PRSS23: variants seen among roughly 807,000 people sequenced by gnomAD.
The protein encoded by PRSS23 is serine protease 23.
PRSS23 carries 25 observed loss-of-function variants against 34.7 expected under a neutral mutation model. The ratio of observed to expected loss-of-function variants is 0.72; its 90% CI spans 0.53 to 1.01. The LOEUF (loss-of-function observed/expected upper bound fraction) is 1.01. Among genes scored for constraint, PRSS23 ranks in the 50% least tolerant of loss-of-function variants. The pLI is 0.00. For missense variants in PRSS23, 445 were observed against 475.6 expected, an observed-to-expected ratio of 0.94 and a Z score of 0.60; for synonymous variants, 176 against 186.6, an observed-to-expected ratio of 0.94 and a Z score of 0.46.
intron 2 of PRSS23, among the ~76,000 whole-genome samples, chr11:86,885,957 G>C (rs1948799475): frequency 6.6e-6 from 1 of 151,756 alleles, no homozygotes; most frequent in Non-Finnish European, 1.5e-5. Flanking sequence ...TGGCAAGTGT[G>C]GGCTATCTGG....
intron 2 of PRSS23, chr11:86,912,038 A>G (rs1948981886): frequency 6.6e-6 from 1 of 152,202 alleles, no homozygotes; most frequent in Non-Finnish European, 1.5e-5. Flanking sequence ...CGGCCTCTCA[A>G]AGTGTTGGGA....
intron 1 of PRSS23, among the ~76,000 whole-genome samples, chr11:86,806,240 T>A (rs76375668): frequency 0.013 from 1,998 of 152,294 alleles, 50 homozygotes; most frequent in African/African-American, 0.045. Context: ...TTCCCCAAAT[T>A]ACTCACATGG....
At position 86,896,779 on chromosome 11, in the gene PRSS23, A is replaced by G. The variant is rs182053331; in HGVS notation, c.207-54437A>G. Among the ~76,000 whole-genome samples, 7 of 152,386 alleles carry G rather than the reference A, an allele frequency of 4.6e-5. No individual in the cohort carries two copies. The East Asian group carries it at 1.3e-3, about 29-fold the overall frequency. ...TTCCACTAATGCAGCGTCTACCCTGAAGCCTTGGCAAAAGCCCAATGGCTC... is the reference window on the plus strand; with the variant it reads ...TTCCACTAATGCAGCGTCTACCCTGGAGCCTTGGCAAAAGCCCAATGGCTC... On this transcript the variant is annotated intron_variant, in intron 2 of 2. Transcript: ENST00000533902.
At chr11:86,939,142 C>T in intron 2 of PRSS23, 1 of 382,276 alleles carries the variant, frequency 2.6e-6, no homozygotes, top group Non-Finnish European at 5.1e-6. Flanking sequence ...GGAAACGTTT[C>T]CATGTCACTA....
intron 2 of PRSS23, among the ~76,000 whole-genome samples, chr11:86,923,931 A>G (rs1023430942): frequency 2.0e-5 from 3 of 152,202 alleles, no homozygotes; most frequent in African/African-American, 7.2e-5. Flanking sequence ...GTTATTCCCT[A>G]AGATATATTT....
intron 2 of PRSS23, among the ~76,000 whole-genome samples, chr11:86,878,615 A>G (rs1222564334): frequency 6.6e-6 from 1 of 151,530 alleles, no homozygotes; most frequent in Non-Finnish European, 1.5e-5. Context: ...GCTCGCTACA[A>G]CCTCCACCTC....
At chr11:86,824,150 C>G (rs1407231091) in intron 2 of PRSS23, among the ~76,000 whole-genome samples, 9 of 148,682 alleles carry the variant, frequency 6.1e-5, no homozygotes, top group Non-Finnish European at 1.3e-4. Flanking sequence ...TGTACAAAAA[C>G]TTCAAAAATT....
intron 2 of PRSS23, among the ~76,000 whole-genome samples, chr11:86,838,074 T>C (rs1434428528): frequency 5.7e-5 from 8 of 139,896 alleles, no homozygotes; most frequent in Non-Finnish European, 1.2e-4. Flanking sequence ...CGGTACACTC[T>C]TTTTTTTTTT....
At chr11:86,832,066 A>T (rs1317834065) in intron 2 of PRSS23, among the ~76,000 whole-genome samples, 1 of 151,798 alleles carries the variant, frequency 6.6e-6, no homozygotes, top group Non-Finnish European at 1.5e-5. Flanking sequence ...GTCACAGGGG[A>T]TGTATGCCAT....
chr11:86,823,240 G>T (rs1352644289), intron 1 of PRSS23: 3 of 614,922 alleles, frequency 4.9e-6, no homozygotes, highest in African/African-American at 3.8e-5. Context: ...ATCTGTAAAA[G>T]CATCATAAAA....
intron 2 of PRSS23, among the ~76,000 whole-genome samples, chr11:86,893,476 A>T (rs554345358): frequency 6.6e-6 from 1 of 152,348 alleles, no homozygotes; most frequent in African/African-American, 2.4e-5. Context: ...GATTGGGAGA[A>T]ACATTGTTCT....
At chr11:86,860,620 A>T (rs954147581) in intron 2 of PRSS23, among the ~76,000 whole-genome samples, 1 of 151,916 alleles carries the variant, frequency 6.6e-6, no homozygotes, top group Non-Finnish European at 1.5e-5. Context: ...CCTACTATCC[A>T]AGAAGGGAGT....
intron 2 of PRSS23, among the ~76,000 whole-genome samples, chr11:86,912,882 T>G (rs1422090596): frequency 6.6e-6 from 1 of 152,232 alleles, no homozygotes; most frequent in Non-Finnish European, 1.5e-5. Context: ...GGACTCTGTC[T>G]TTTGTTACAT....
At chr11:86,914,216 A>C (rs1252236801) in intron 2 of PRSS23, among the ~76,000 whole-genome samples, 2 of 152,046 alleles carry the variant, frequency 1.3e-5, no homozygotes, top group Non-Finnish European at 2.9e-5. Flanking sequence ...ACAGAGTGAG[A>C]CTCCATCTCA....
chr11:86,875,757 G>C (rs1410110275), intron 2 of PRSS23, among the ~76,000 whole-genome samples: 1 of 152,228 alleles, frequency 6.6e-6, no homozygotes, highest in Non-Finnish European at 1.5e-5. Context: ...GTGTAAAGCT[G>C]CAGATAGAGG....
At chr11:86,901,082 G>A (rs1420436600) in intron 2 of PRSS23, among the ~76,000 whole-genome samples, 2 of 151,998 alleles carry the variant, frequency 1.3e-5, no homozygotes, top group South Asian at 2.1e-4. Context: ...ACCATACCCG[G>A]CTTATCATCT....
chr11:86,902,699 A>G (rs1948919529), intron 2 of PRSS23, among the ~76,000 whole-genome samples: 1 of 152,202 alleles, frequency 6.6e-6, no homozygotes, highest in African/African-American at 2.4e-5. Context: ...ATCCAAAGCA[A>G]GATGTAAACA....
chr11:86,907,999 T>G (rs1386111123), intron 2 of PRSS23, among the ~76,000 whole-genome samples: 1 of 152,236 alleles, frequency 6.6e-6, no homozygotes, highest in Non-Finnish European at 1.5e-5. Flanking sequence ...CTGGCTTATG[T>G]CACTTAGCAT....
intron 2 of PRSS23, among the ~76,000 whole-genome samples, chr11:86,945,500 T>A (rs1001164289): frequency 6.6e-6 from 1 of 152,204 alleles, no homozygotes; most frequent in Non-Finnish European, 1.5e-5. Flanking sequence ...CTGTGGGGGT[T>A]TGCTGACGCA....
Sources: gnomAD v4.1 joint callset for allele counts (sites outside exome capture counted in the v4.1 genomes callset) on GRCh38, gnomAD v4.1.1 for gene constraint, MANE v1.5 for transcripts, NCBI Gene and HGNC (gene_info 2026-07-23, HGNC 2026-07-21) for gene names.